HECW1: variants seen among roughly 807,000 people sequenced by gnomAD.
HECW1 encodes the protein E3 ubiquitin-protein ligase HECW1.
Under a neutral mutation model 182.3 loss-of-function variants are expected in HECW1, and 61 were observed. The observed-to-expected ratio is 0.33, with a 90% CI of 0.27 to 0.41. The LOEUF is 0.41. Ranked by LOEUF, HECW1 falls within the 10% of genes least tolerant of loss-of-function variation. HECW1 has a pLI of 1.00. For missense variants in HECW1, 1,739 were observed against 2,108.9 expected, an observed-to-expected ratio of 0.82 and a Z score of 3.44; for synonymous variants, 859 against 832.6, an observed-to-expected ratio of 1.03 and a Z score of -0.55.
intron 3 of HECW1, among the ~76,000 whole-genome samples, chr7:43,277,072 T>A (rs1275628015): frequency 6.6e-6 from 1 of 152,192 alleles, no homozygotes; most frequent in Non-Finnish European, 1.5e-5. Context: ...CTTTCTCTAG[T>A]CCTCCTCTTC....
intron 3 of HECW1, among the ~76,000 whole-genome samples, chr7:43,311,006 C>T (rs576173573): frequency 6.6e-6 from 1 of 152,244 alleles, no homozygotes; most frequent in East Asian, 1.9e-4. Context: ...TATCTGTGCC[C>T]AAAACGAGTT....
intron 3 of HECW1, among the ~76,000 whole-genome samples, chr7:43,294,032 C>G (rs765512770): frequency 1.8e-4 from 28 of 152,114 alleles, no homozygotes; most frequent in Non-Finnish European, 3.4e-4. Flanking sequence ...TTTGAAAACA[C>G]CCCCCACCAC....
At chr7:43,230,686 G>A (rs1264800240) in intron 2 of HECW1, among the ~76,000 whole-genome samples, 1 of 152,070 alleles carries the variant, frequency 6.6e-6, no homozygotes, top group Admixed American at 6.5e-5. Context: ...ACTCTTGAAT[G>A]GTTCAGAAAA....
At chr7:43,447,251 G>A (rs1245911488) in intron 11 of HECW1, among the ~76,000 whole-genome samples, 1 of 151,246 alleles carries the variant, frequency 6.6e-6, no homozygotes, top group East Asian at 2.0e-4. Context: ...CAGTTTTTTG[G>A]CCCCCATGTT....
At chr7:43,331,331 C>G (rs1280794664) in intron 5 of HECW1, among the ~76,000 whole-genome samples, 1 of 152,114 alleles carries the variant, frequency 6.6e-6, no homozygotes, top group Non-Finnish European at 1.5e-5. Context: ...TGGCTCACAC[C>G]TGTAATCCCA....
At chr7:43,265,975 G>A (rs1000156386) in intron 3 of HECW1, among the ~76,000 whole-genome samples, 1 of 152,162 alleles carries the variant, frequency 6.6e-6, no homozygotes, top group African/African-American at 2.4e-5. Context: ...TCTGGAGGGT[G>A]GGGTGCACCA....
At chr7:43,560,973 C>T (rs971984518) in intron 29 of HECW1, among the ~76,000 whole-genome samples, 19 of 152,204 alleles carry the variant, frequency 1.2e-4, no homozygotes, top group Non-Finnish European at 1.9e-4. Context: ...GTACAGGACT[C>T]GGCATCAGCC....
At chr7:43,411,327 A>C (rs2152848203) in intron 8 of HECW1, among the ~76,000 whole-genome samples, 1 of 152,086 alleles carries the variant, frequency 6.6e-6, no homozygotes, top group African/African-American at 2.4e-5. Flanking sequence ...ATTTTATTTT[A>C]TTGTGGTTAG....
chr7:43,395,183 T>C (rs1271401089), intron 6 of HECW1, among the ~76,000 whole-genome samples: 1 of 152,152 alleles, frequency 6.6e-6, no homozygotes, highest in Non-Finnish European at 1.5e-5. Context: ...ATTTCTAATC[T>C]TGCAGCTAAC....
In HECW1 at chr7:43,562,775, C is replaced by G. The variant is rs982075580; in HGVS notation, c.*849C>G. ...AGCATGAAGGATGAGGCTTCAGCCC[C>G]CATTGTCTTATGTAGAATGTGGCAA... On this transcript the variant is annotated 3_prime_UTR_variant, in exon 30 of 30. Transcript: ENST00000395891. The G allele has an allele frequency of 4.6e-6, 1 of 217,260 alleles. No homozygotes were observed. The highest frequency in any genetic ancestry group is 9.3e-6 in the Non-Finnish European group (1 of 107,838). 13.5% of individuals were successfully genotyped at this position (217,260 alleles called of 1,614,324 possible). A position where few individuals can be genotyped will look rare whatever the true frequency, so the allele number is the denominator to read the frequency against.
At chr7:43,429,434 G>A (rs1008034192) in intron 8 of HECW1, among the ~76,000 whole-genome samples, 9 of 151,216 alleles carry the variant, frequency 6.0e-5, no homozygotes, top group Non-Finnish European at 1.3e-4. Context: ...ACACTACTGG[G>A]AGGGGCAGAT....
At chr7:43,190,146 C>T (rs930393471) in intron 2 of HECW1, among the ~76,000 whole-genome samples, 2 of 152,166 alleles carry the variant, frequency 1.3e-5, no homozygotes, top group Admixed American at 6.5e-5. Context: ...CGGAGTCATG[C>T]TCTGTCGCCC....
intron 2 of HECW1, among the ~76,000 whole-genome samples, chr7:43,120,260 C>T (rs895696624): frequency 1.3e-5 from 2 of 152,160 alleles, no homozygotes; most frequent in South Asian, 2.1e-4. Flanking sequence ...CCTGGAGGGA[C>T]GGTCCCCCAG....
intron 2 of HECW1, among the ~76,000 whole-genome samples, chr7:43,181,302 A>G (rs1210824769): frequency 1.3e-5 from 2 of 150,986 alleles, no homozygotes; most frequent in East Asian, 3.8e-4. Flanking sequence ...GCTGCAATAA[A>G]TAAGGGAGTG....
chr7:43,405,641 C>A (rs1306703889), intron 7 of HECW1, among the ~76,000 whole-genome samples: 1 of 152,062 alleles, frequency 6.6e-6, no homozygotes, highest in Non-Finnish European at 1.5e-5. Context: ...CTGCTTAGCC[C>A]ACATCAAACT....
chr7:43,273,310 C>G (rs980448177), intron 3 of HECW1, among the ~76,000 whole-genome samples: 2 of 151,578 alleles, frequency 1.3e-5, no homozygotes, highest in Non-Finnish European at 1.5e-5. Flanking sequence ...ACGTGTACCC[C>G]TGAATCTAAA....
At chr7:43,470,369 A>G (rs2077970286) in intron 16 of HECW1, among the ~76,000 whole-genome samples, 1 of 152,250 alleles carries the variant, frequency 6.6e-6, no homozygotes, top group African/African-American at 2.4e-5. Flanking sequence ...TCATGCAAAC[A>G]GCACACACCA....
intron 2 of HECW1, among the ~76,000 whole-genome samples, chr7:43,178,312 G>A (rs76404578): frequency 0.084 from 10,863 of 129,648 alleles, 543 homozygotes; most frequent in East Asian, 0.29. Context: ...GGCCAGCAGG[G>A]TTCTATCTAA....
At chr7:43,266,014 G>C (rs1225420996) in intron 3 of HECW1, among the ~76,000 whole-genome samples, 2 of 152,178 alleles carry the variant, frequency 1.3e-5, no homozygotes, top group Non-Finnish European at 2.9e-5. Flanking sequence ...GTATTCACCA[G>C]CTCGGGAGCA....
Sources: allele counts gnomAD v4.1 joint callset (sites outside exome capture counted in the v4.1 genomes callset), GRCh38; gene constraint gnomAD v4.1.1; transcripts MANE v1.5; gene names NCBI Gene and HGNC (gene_info 2026-07-23, HGNC 2026-07-21).